ADGRL3: variants seen among roughly 807,000 people sequenced by gnomAD.
ADGRL3 encodes calcium-independent alpha-latrotoxin receptor 3.
A neutral mutation model predicts 153.5 loss-of-function variants in ADGRL3; 62 were observed. The ratio of observed to expected loss-of-function variants is 0.40; its 90% CI spans 0.33 to 0.50. The LOEUF (loss-of-function observed/expected upper bound fraction) is 0.50, where lower values mean the gene tolerates loss of function less well. Among genes scored for constraint, ADGRL3 ranks in the 20% least tolerant of loss-of-function variants. The pLI is 0.47. For synonymous variants in ADGRL3, 710 were observed against 672.5 expected (o/e 1.06, Z -0.86); for missense variants, 1,641 against 1,859.4 (o/e 0.88, Z 2.16).
intron 9 of ADGRL3, among the ~76,000 whole-genome samples, chr4:61,844,575 A>AATATATATATATATATATATATATAT (rs57750929): frequency 7.2e-4 from 13 of 18,104 alleles, no homozygotes; most frequent in Admixed American, 1.4e-3. Context: ...AAAAAAAAAA[A>AATATATATATATATATATATATATAT]ATATATATAT....
intron 1 of ADGRL3, among the ~76,000 whole-genome samples, chr4:61,296,606 C>T (rs2094422048): frequency 6.6e-6 from 1 of 152,114 alleles, no homozygotes; most frequent in Non-Finnish European, 1.5e-5. Flanking sequence ...ATTTAGTCTC[C>T]TTTTCTCAGA....
intron 1 of ADGRL3, among the ~76,000 whole-genome samples, chr4:61,282,680 CA>C (rs1269720798): frequency 6.6e-6 from 1 of 151,816 alleles, no homozygotes; most frequent in Non-Finnish European, 1.5e-5. Flanking sequence ...CCTATACATA[CA>C]AATCTTTTTA....
intron 25 of ADGRL3, among the ~76,000 whole-genome samples, chr4:62,047,598 C>G (rs1731799222): frequency 6.6e-6 from 1 of 151,980 alleles, no homozygotes. Flanking sequence ...GCATGTGAAA[C>G]CTTGGCAGAT....
At position 61,813,846 on chromosome 4, in the gene ADGRL3, G is replaced by T. The variant is rs147936284; in HGVS notation, c.1437G>T (p.Pro479=). 1 of 1,573,876 alleles carries T rather than the reference G, an allele frequency of 6.4e-7. No individual in the cohort carries two copies. The highest frequency in any genetic ancestry group is 1.1e-5 in the South Asian group (1 of 90,204). The stretch of plus-strand genomic sequence containing the variant: ...ATGGACAAGTTTCATACATTTCTCC[G>T]CCAATTCACCTTGACTCTGAGCTAG... ...AHHGQVSYIS[P]PIHLDSELER... is the part of the protein sequence containing the mutation. The change falls in exon 9 of 27, where the codon CCG becomes CCT. Residue 479 remains proline (P), a synonymous_variant. Coordinates refer to ENST00000683033, the MANE Select transcript of ADGRL3 (RefSeq NM_001387552.1).
chr4:61,291,212 A>ACG (rs3035663), intron 1 of ADGRL3, among the ~76,000 whole-genome samples: 2,970 of 24,820 alleles, frequency 0.12, 112 homozygotes, highest in African/African-American at 0.18. Flanking sequence ...ACACACACAC[A>ACG]CACACGCACA....
At chr4:61,421,091 A>C (rs2097200928) in intron 2 of ADGRL3, among the ~76,000 whole-genome samples, 1 of 152,026 alleles carries the variant, frequency 6.6e-6, no homozygotes, top group Admixed American at 6.6e-5. Flanking sequence ...TGGGTGGATC[A>C]CCTGAGGCCG....
chr4:61,209,520 G>A (rs1738900612), intron 1 of ADGRL3, among the ~76,000 whole-genome samples: 1 of 152,096 alleles, frequency 6.6e-6, no homozygotes, highest in African/African-American at 2.4e-5. Flanking sequence ...TAATTGAAGA[G>A]TTCTTGATGA....
chr4:61,732,635 A>C, intron 7 of ADGRL3, 119 bp from the exon 8 acceptor site: 1 of 494,434 alleles, frequency 2.0e-6, no homozygotes, highest in Non-Finnish European at 3.4e-6. Flanking sequence ...GAATGCAGCA[A>C]AATAAGTGAT....
intron 25 of ADGRL3, among the ~76,000 whole-genome samples, chr4:62,052,088 C>A (rs1336470917): frequency 6.6e-6 from 1 of 151,396 alleles, no homozygotes; most frequent in East Asian, 1.9e-4. Flanking sequence ...TTCTTTATAT[C>A]CATAAAGACA....
intron 1 of ADGRL3, among the ~76,000 whole-genome samples, chr4:61,264,624 T>A (rs2092736135): frequency 6.6e-6 from 1 of 151,940 alleles, no homozygotes; most frequent in Admixed American, 6.6e-5. Context: ...TATGTCAAAT[T>A]GTTAATTTAT....
chr4:61,228,215 C>G (rs762690204), intron 1 of ADGRL3, among the ~76,000 whole-genome samples: 3 of 152,116 alleles, frequency 2.0e-5, no homozygotes, highest in Admixed American at 6.6e-5. Flanking sequence ...TTTTGACAAG[C>G]CTCTGATGCT....
intron 9 of ADGRL3, among the ~76,000 whole-genome samples, chr4:61,818,514 G>A (rs575319831): frequency 6.6e-6 from 1 of 152,278 alleles, no homozygotes; most frequent in African/African-American, 2.4e-5. Flanking sequence ...ACACAAACAG[G>A]GCTGAAGGGG....
intron 8 of ADGRL3, among the ~76,000 whole-genome samples, chr4:61,736,583 G>A (rs1419806558): frequency 3.9e-5 from 6 of 152,150 alleles, no homozygotes; most frequent in Admixed American, 2.0e-4. Context: ...CCTTGAACCT[G>A]GGAGGCGGAG....
intron 6 of ADGRL3, among the ~76,000 whole-genome samples, chr4:61,699,195 C>T (rs2095701378): frequency 6.6e-6 from 1 of 152,060 alleles, no homozygotes. Context: ...AAACTGAATT[C>T]TCCAAAAGTG....
At position 61,847,811 on chromosome 4, in the gene ADGRL3, TTATATATATATAATATAAAA is replaced by T. The variant is rs1561351593; in HGVS notation, c.1480+33933_1480+33952del. Among the ~76,000 whole-genome samples, 16 of 9,548 alleles carry T rather than the reference TTATATATATATAATATAAAA, an allele frequency of 1.7e-3. 1 individual carries two copies. The highest frequency in any genetic ancestry group is 3.1e-3 in the Non-Finnish European group (12 of 3,866). The allele number at this position is 9,548 out of a possible 152,430, so 6.3% of individuals were successfully genotyped here. ...TATTATATATATAATATAAAATATATTATATATATATAATATAAAATATATATATAATATAAAATATATTA... is the reference window on the plus strand; with the variant it reads ...TATTATATATATAATATAAAATATATTATATATATAATATAAAATATATTA... On this transcript the variant is annotated intron_variant, in intron 9 of 26. Coordinates refer to ENST00000683033, the MANE Select transcript of ADGRL3 (RefSeq NM_001387552.1).
At chr4:61,890,185 CT>C (rs1185282330) in intron 9 of ADGRL3, among the ~76,000 whole-genome samples, 1 of 152,098 alleles carries the variant, frequency 6.6e-6, no homozygotes, top group East Asian at 1.9e-4. Context: ...AAAACTGTAG[CT>C]TATTATCAAT....
At chr4:62,053,363 C>G (rs1020221109) in intron 25 of ADGRL3, among the ~76,000 whole-genome samples, 3 of 151,482 alleles carry the variant, frequency 2.0e-5, no homozygotes, top group African/African-American at 7.2e-5. Context: ...CTTTATATAG[C>G]TCAGCTTTAT....
At chr4:61,451,465 A>G (rs577829945) in intron 2 of ADGRL3, among the ~76,000 whole-genome samples, 9 of 152,220 alleles carry the variant, frequency 5.9e-5, no homozygotes, top group African/African-American at 2.2e-4. Context: ...TAGATTGAAC[A>G]ATGTTCAGAT....
At chr4:61,765,740 G>A (rs1296732403) in intron 8 of ADGRL3, among the ~76,000 whole-genome samples, 1 of 152,034 alleles carries the variant, frequency 6.6e-6, no homozygotes, top group East Asian at 1.9e-4. Flanking sequence ...TAGACTAAGA[G>A]GTATTTTAGT....
Sources: allele counts gnomAD v4.1 joint callset (sites outside exome capture counted in the v4.1 genomes callset), GRCh38; gene constraint gnomAD v4.1.1; transcripts MANE v1.5; gene names NCBI Gene and HGNC (gene_info 2026-07-23, HGNC 2026-07-21).